SLC1A1: variants seen among roughly 807,000 people sequenced by gnomAD.
The protein encoded by SLC1A1 is excitatory amino acid transporter 3.
Under a neutral mutation model 53.3 loss-of-function variants are expected in SLC1A1, and 43 were observed. The observed-to-expected ratio is 0.81, with a 90% CI of 0.63 to 1.04. The LOEUF (loss-of-function observed/expected upper bound fraction) is 1.04, where lower values mean the gene tolerates loss of function less well. SLC1A1 is among the 50% of genes least tolerant of loss of function. The pLI, the probability that SLC1A1 is intolerant of heterozygous loss-of-function variation, is 0.00. For synonymous variants in SLC1A1, 307 were observed against 243.2 expected (o/e 1.26, Z -2.44); for missense variants, 748 against 664.9 (o/e 1.12, Z -1.37).
At chr9:4,498,661 A>AT (rs1563992564) in intron 1 of SLC1A1, among the ~76,000 whole-genome samples, 1 of 151,830 alleles carries the variant, frequency 6.6e-6, no homozygotes, top group African/African-American at 2.4e-5. Context: ...GTTTAGTCAT[A>AT]TATATTTAAT....
At chr9:4,582,740 GTATC>G (rs1821214922) in intron 10 of SLC1A1, among the ~76,000 whole-genome samples, 1 of 152,182 alleles carries the variant, frequency 6.6e-6, no homozygotes. Flanking sequence ...TTCCTCTTGA[GTATC>G]TCTCTTACTT....
chr9:4,548,779 T>G (rs186276535), intron 2 of SLC1A1, among the ~76,000 whole-genome samples: 1 of 69,588 alleles, frequency 1.4e-5, no homozygotes, highest in Admixed American at 2.0e-4. Flanking sequence ...TGTCTCAAAT[T>G]TACTTTAAAA....
In SLC1A1 at chr9:4,564,353, T is replaced by C. The variant is rs2129700064; in HGVS notation, c.335T>C (p.Leu112Pro). The C allele has an allele frequency of 6.2e-7, 1 of 1,612,724 alleles. No homozygotes were observed. Among genetic ancestry groups the C allele is most frequent in the South Asian group, 1.1e-5 (1 of 90,852 alleles). ...TLIAVILGIV[L>P]VVSIKPGVTQ... The stretch of plus-strand genomic sequence containing the variant: ...CTGTTCTTGGCCACAGGTATTGTGC[T>C]GGTGGTGAGCATCAAGCCTGGTGTC... The change falls in exon 4 of 12, where the codon CTG becomes CCG. Residue 112 changes from leucine to proline, a missense_variant. By Grantham distance (98) the Leu-to-Pro change is moderately conservative. Coordinates refer to ENST00000262352, the MANE Select transcript of SLC1A1 (RefSeq NM_004170.6).
At chr9:4,563,325 C>A (rs1461055591) in intron 3 of SLC1A1, among the ~76,000 whole-genome samples, 8 of 152,072 alleles carry the variant, frequency 5.3e-5, no homozygotes, top group Non-Finnish European at 1.2e-4. Context: ...TACCATAAAA[C>A]AAAACCACAT....
chr9:4,498,801 CA>C (rs575133354), intron 1 of SLC1A1, among the ~76,000 whole-genome samples: 5 of 148,878 alleles, frequency 3.4e-5, no homozygotes, highest in African/African-American at 4.9e-5. Flanking sequence ...AGTTCATCTG[CA>C]AAAAAATATA....
Position 4,585,608 on chromosome 9 carries a change from G to A in SLC1A1, c.*50G>A. 1 of 1,610,420 alleles carries A rather than the reference G, an allele frequency of 6.2e-7. No homozygotes were observed. On this transcript the variant is annotated 3_prime_UTR_variant, in exon 12 of 12. Coordinates refer to ENST00000262352, the MANE Select transcript of SLC1A1 (RefSeq NM_004170.6). ...AACAAGGAAGGACATTTCCGTGAGA[G>A]TCATCTCAAACACTGCTTAAGGAAA... is the stretch of plus-strand genomic sequence containing the variant.
intron 10 of SLC1A1, among the ~76,000 whole-genome samples, chr9:4,578,547 G>T (rs1820776154): frequency 6.6e-6 from 1 of 152,152 alleles, no homozygotes; most frequent in African/African-American, 2.4e-5. Flanking sequence ...GAAGGACAGA[G>T]AGATGGGAGG....
intron 8 of SLC1A1, among the ~76,000 whole-genome samples, chr9:4,575,754 T>C (rs1820486835): frequency 6.6e-6 from 1 of 152,172 alleles, no homozygotes; most frequent in Non-Finnish European, 1.5e-5. Flanking sequence ...TTCTGTTCTG[T>C]GAAGCCTTGA....
chr9:4,532,551 T>C (rs1276711338), intron 1 of SLC1A1, among the ~76,000 whole-genome samples: 2 of 152,010 alleles, frequency 1.3e-5, no homozygotes, highest in Non-Finnish European at 2.9e-5. Context: ...CTCCAAGAAA[T>C]ATGGGACTAT....
chr9:4,574,317 G>T (rs1447479876), intron 8 of SLC1A1, among the ~76,000 whole-genome samples: 3 of 152,158 alleles, frequency 2.0e-5, no homozygotes, highest in African/African-American at 7.2e-5. Flanking sequence ...GCCTCCCTTG[G>T]CTCTCTCCTG....
intron 1 of SLC1A1, among the ~76,000 whole-genome samples, chr9:4,539,919 C>T (rs531455173): frequency 6.6e-6 from 1 of 152,170 alleles, no homozygotes; most frequent in South Asian, 2.1e-4. Context: ...GCGATAGGGA[C>T]AGGAGGCAGA....
At chr9:4,580,357 G>T (rs1437899709) in intron 10 of SLC1A1, among the ~76,000 whole-genome samples, 1 of 152,170 alleles carries the variant, frequency 6.6e-6, no homozygotes, top group Non-Finnish European at 1.5e-5. Context: ...AAGGCGGGCG[G>T]ATCACTTTAG....
At chr9:4,570,915 TA>T (rs111620181) in intron 6 of SLC1A1, among the ~76,000 whole-genome samples, 16,753 of 140,626 alleles carry the variant, frequency 0.12, 2,446 homozygotes, top group African/African-American at 0.36. Context: ...CCTGTCTGTT[TA>T]AAAAAAAAAA....
chr9:4,543,998 A>T (rs1207714080), intron 1 of SLC1A1, among the ~76,000 whole-genome samples: 1 of 152,050 alleles, frequency 6.6e-6, no homozygotes, highest in Non-Finnish European at 1.5e-5. Context: ...GGGCAACCGA[A>T]TGAAACCCTC....
intron 3 of SLC1A1, among the ~76,000 whole-genome samples, chr9:4,562,186 C>T (rs1368184285): frequency 6.6e-6 from 1 of 151,548 alleles, no homozygotes; most frequent in African/African-American, 2.4e-5. Flanking sequence ...ATTCTCCTGC[C>T]TCAGCCTCCC....
intron 3 of SLC1A1, among the ~76,000 whole-genome samples, chr9:4,562,188 C>T (rs1185497271): frequency 6.6e-6 from 1 of 151,386 alleles, no homozygotes; most frequent in Non-Finnish European, 1.5e-5. Flanking sequence ...TCTCCTGCCT[C>T]AGCCTCCCGA....
rs146145513 is a variant in SLC1A1 at position 4,490,715 on chromosome 9, G to C, written c.36G>C (p.Lys12Asn). ...GKPARKGCEW[K>N]RFLKNNWVLL... ...CGGCGAGGAAAGGATGCGAGTGGAA[G>C]CGCTTCCTGAAGAATAACTGGGTGT... Residue 12 changes from lysine (K) to asparagine (N), a missense_variant, in exon 1 of 12, where the codon AAG (lysine) becomes AAC (asparagine). By Grantham distance (94) the Lys-to-Asn change is moderately conservative. Coordinates refer to ENST00000262352, the MANE Select transcript of SLC1A1 (RefSeq NM_004170.6). 5.6e-5 allele frequency: 91 copies of C among 1,612,878 alleles called. No homozygotes were observed. The African/African-American group carries it at 9.5e-4, about 17-fold the overall frequency.
chr9:4,571,104 C>A (rs1428413794), intron 6 of SLC1A1, among the ~76,000 whole-genome samples: 3 of 152,022 alleles, frequency 2.0e-5, no homozygotes. Context: ...AGCTAGAGGC[C>A]ATTATCCTTA....
At chr9:4,520,078 G>A (rs968761134) in intron 1 of SLC1A1, among the ~76,000 whole-genome samples, 4 of 152,130 alleles carry the variant, frequency 2.6e-5, no homozygotes, top group African/African-American at 7.2e-5. Context: ...CTCCTTTACA[G>A]GCTATGTTCC....
Sources: gnomAD v4.1 joint callset for allele counts (sites outside exome capture counted in the v4.1 genomes callset) on GRCh38, gnomAD v4.1.1 for gene constraint, MANE v1.5 for transcripts, NCBI Gene and HGNC (gene_info 2026-07-23, HGNC 2026-07-21) for gene names.